The following GBP4 variants were observed in gnomAD, a reference collection of about 807,000 sequenced individuals.
The protein encoded by GBP4 is guanylate binding protein 4.
In GBP4, 69 loss-of-function variants were observed where a neutral mutation model predicts 62.2. The ratio of observed to expected loss-of-function variants is 1.11; its 90% CI spans 0.91 to 1.36. GBP4 has a LOEUF of 1.36. Among genes scored for constraint, GBP4 ranks in the 40% most tolerant of loss-of-function variants. The pLI is 0.00. For missense variants in GBP4, 697 were observed against 759.3 expected (o/e 0.92, Z 0.96); for synonymous variants, 278 against 274.6 (o/e 1.01, Z -0.12).
At chr1:89,192,865 C>G (rs774669086) in intron 5 of GBP4, 39 bp downstream of exon 5, 1 of 1,590,542 alleles carries the variant, frequency 6.3e-7, no homozygotes, top group Non-Finnish European at 8.6e-7. Flanking sequence ...GATCCTACCC[C>G]CCACTGAACC....
rs1049594807 is a variant in GBP4 at position 89,188,936 on chromosome 1, G to A, written c.1198-142C>T. 1.1e-5 allele frequency: 10 copies of A among 884,708 alleles called. No homozygotes were observed. The East Asian group carries it at 2.5e-4, about 22-fold the overall frequency. 54.8% of individuals were successfully genotyped at this position (884,708 alleles called of 1,614,324 possible). A position where few individuals can be genotyped will look rare whatever the true frequency, so the allele number is the denominator to read the frequency against. ...GACCAAGAGTCACAAGAATGATTTTGTTCCCAACTATGTGATCTGTGTGAC... is the reference window on the plus strand; with the variant it reads ...GACCAAGAGTCACAAGAATGATTTTATTCCCAACTATGTGATCTGTGTGAC... On this transcript the variant is annotated intron_variant, in intron 7 of 10. Transcript: ENST00000355754.
chr1:89,193,093 T>A lies in GBP4; in HGVS notation c.481A>T (p.Thr161Ser), dbSNP rs759107357. ...GCCCTGATTAGCTCTGCTAGCTCAG[T>A]CACATAGCTGGGATCTCAGCTAAGG... ...HQALEQLHYV[T>S]ELAELIRAKS... Residue 161 changes from threonine to serine, a missense_variant, in exon 5 of 11, where the codon ACT becomes TCT. Physicochemically the swap from Thr to Ser is moderately conservative, Grantham distance 58. This residue lies in a region of GBP4 where 556 missense variants were observed against 562.7 expected (regional missense o/e 0.99). Coordinates refer to ENST00000355754, the MANE Select transcript of GBP4 (RefSeq NM_052941.5). 6.2e-7 allele frequency: 1 copy of A among 1,613,942 alleles called. No homozygotes were observed. Among genetic ancestry groups the A allele is most frequent in the Non-Finnish European group, 8.5e-7 (1 of 1,179,886 alleles).
rs1404020957 is a variant in GBP4, at chr1:89,187,005, A to G, written c.1508T>C (p.Ile503Thr). The G allele has an allele frequency of 6.2e-7, 1 of 1,613,760 alleles. No individual in the cohort carries two copies. Among genetic ancestry groups the G allele is most frequent in the Admixed American group, 1.7e-5 (1 of 60,000 alleles). Residue 503 changes from isoleucine to threonine, a missense_variant, in exon 9 of 11, where the codon ATA becomes ACA. By Grantham distance (89) the Ile-to-Thr change is moderately conservative (BLOSUM62 -1). Around this residue, in one of 2 missense-constraint regions of GBP4, gnomAD observed 141 missense variants for 196.6 expected, o/e 0.72. Transcript: ENST00000355754. Reference sequence around the variant, plus strand: ...GCTGAGCCCTGCCCCTGTACCTGCTATGGCCTTCTCTCCAGCAGTGAGGGC... The same window carrying G: ...GCTGAGCCCTGCCCCTGTACCTGCTGTGGCCTTCTCTCCAGCAGTGAGGGC... ...DKALTAGEKA[I>T]AAERAMKEAA...
chr1:89,192,805 C>A, intron 5 of GBP4, 99 bp downstream of exon 5: 2 of 1,112,820 alleles, frequency 1.8e-6, no homozygotes, highest in Non-Finnish European at 2.6e-6. Flanking sequence ...TCAAATCAAT[C>A]CAGTCTAATG....
At chr1:89,193,537 A>G in intron 3 of GBP4, 125 bp from the exon 4 acceptor site, 1 of 757,090 alleles carries the variant, frequency 1.3e-6, no homozygotes, top group Middle Eastern at 2.5e-4. Context: ...ACAAATTTTG[A>G]AGCCAATGCT....
In GBP4 at chr1:89,190,034, G is replaced by A. The variant is rs1292850957; in HGVS notation, c.1197+4C>T. On this transcript the variant is annotated splice_donor_region_variant and intron_variant, in intron 7 of 10. Coordinates refer to ENST00000355754, the MANE Select transcript of GBP4 (RefSeq NM_052941.5). ...AAATCAGGAAGGATAAATGCTAAAA[G>A]TACCACAAGCTTCTTCTGGAATTCA... 1.2e-6 allele frequency: 2 copies of A among 1,602,992 alleles called. No individual in the cohort carries two copies. The highest frequency in any genetic ancestry group is 2.2e-5 in the South Asian group (2 of 90,180).
intron 7 of GBP4, among the ~76,000 whole-genome samples, 192 bp downstream of exon 7, chr1:89,189,846 T>A (rs892843342): frequency 6.6e-6 from 1 of 152,166 alleles, no homozygotes; most frequent in Non-Finnish European, 1.5e-5. Context: ...TGATAATTTC[T>A]TTTGCAGCAA....
intron 1 of GBP4, 90 bp from the exon 2 acceptor site, chr1:89,197,394 C>A: frequency 1.0e-6 from 1 of 970,394 alleles, no homozygotes; most frequent in Admixed American, 2.7e-5. Flanking sequence ...TAGCTTTTTG[C>A]TTGTGGAATG....
intron 6 of GBP4, 50 bp downstream of exon 6, chr1:89,191,211 A>T: frequency 1.3e-6 from 2 of 1,591,728 alleles, no homozygotes; most frequent in Non-Finnish European, 1.7e-6. Context: ...TACAGCTTCA[A>T]CACATCCTGG....
At chr1:89,188,905 G>A in intron 7 of GBP4, 111 bp from the exon 8 acceptor site, 1 of 1,052,406 alleles carries the variant, frequency 9.5e-7, no homozygotes, top group South Asian at 1.4e-5. Flanking sequence ...ACTGGGATAT[G>A]GTGTAGACCA....
rs1408360450 is a variant in GBP4, at chr1:89,198,823, T to A, written c.12A>T (p.Arg4Ser). 1 of 1,613,964 alleles carries A rather than the reference T, an allele frequency of 6.2e-7. No homozygotes were observed. Among genetic ancestry groups the A allele is most frequent in the African/African-American group, 1.3e-5 (1 of 75,018 alleles). Residue 4 changes from arginine to serine, a missense_variant, in exon 1 of 11, where the codon AGA becomes AGT. By Grantham distance (110) the Arg-to-Ser change is moderately radical. This residue lies in a region of GBP4 where 556 missense variants were observed against 562.7 expected (regional missense o/e 0.99). Transcript: ENST00000355754. The stretch of plus-strand genomic sequence containing the variant: ...GTGTGGGCACTGCAGCGTGAAGAGT[T>A]CTCTCACCCATTGCTCTGTCCTCCT... MGERTLHAAVPTPG... is the reference protein window; with the variant it reads MGESTLHAAVPTPG...
At chr1:89,194,485 T>G (rs1354398438) in intron 3 of GBP4, among the ~76,000 whole-genome samples, 1 of 152,222 alleles carries the variant, frequency 6.6e-6, no homozygotes, top group East Asian at 1.9e-4. Context: ...CCTTTAATAC[T>G]GAAATTTAAA....
At chr1:89,189,643 A>G (rs934098644) in intron 7 of GBP4, among the ~76,000 whole-genome samples, 2 of 152,238 alleles carry the variant, frequency 1.3e-5, no homozygotes, top group Non-Finnish European at 2.9e-5. Context: ...TAGAAACATA[A>G]GGATTTCATG....
intron 6 of GBP4, among the ~76,000 whole-genome samples, chr1:89,190,582 T>G (rs1313523218): frequency 6.6e-6 from 1 of 152,144 alleles, no homozygotes; most frequent in African/African-American, 2.4e-5. Context: ...AATATGTTTT[T>G]GTGTTTTATG....
chr1:89,193,284 T>C lies in GBP4; in HGVS notation c.473+19A>G. 6.2e-7 allele frequency: 1 copy of C among 1,610,646 alleles called. No individual in the cohort carries two copies. The highest frequency in any genetic ancestry group is 8.5e-7 in the Non-Finnish European group (1 of 1,177,276). ...CCCTAAACCCCATAAAACCTGCTCT[T>C]CACTTCCCAGAAGGATACTGCAGCT... On this transcript the variant is annotated intron_variant, in intron 4 of 10. Transcript: ENST00000355754.
rs1489954263 is a variant in GBP4 at position 89,195,338 on chromosome 1, G to C, written c.322C>G (p.Leu108Val). The change falls in exon 3 of 11, where the codon CTG becomes GTG. Residue 108 changes from leucine to valine, a missense_variant. Leu to Val is a conservative substitution (Grantham distance 32). Transcript: ENST00000355754. Reference sequence around the variant, plus strand: ...AGGCCCTCGGTGTCCAGAAGGACCAGGGTGTGGTTTGGCTTAGAGAGGTGG... The same window carrying C: ...AGGCCCTCGGTGTCCAGAAGGACCACGGTGTGGTTTGGCTTAGAGAGGTGG... ...VPHLSKPNHT[L>V]VLLDTEGLGD... is the part of the protein sequence containing the mutation. 12 of 1,613,934 alleles carry C rather than the reference G, an allele frequency of 7.4e-6. No homozygotes were observed. The highest frequency in any genetic ancestry group is 1.0e-5 in the Non-Finnish European group (12 of 1,179,952).
chr1:89,182,523 C>T lies in GBP4; in HGVS notation c.*2731G>A, dbSNP rs1647911567. ...TTGAGACGGAGTTTCGCTCTGTCGCCCAGGCTGGAGTGCAGTGGCGCGATC... is the reference window on the plus strand; with the variant it reads ...TTGAGACGGAGTTTCGCTCTGTCGCTCAGGCTGGAGTGCAGTGGCGCGATC... On this transcript the variant is annotated 3_prime_UTR_variant, in exon 11 of 11. Coordinates refer to ENST00000355754, the MANE Select transcript of GBP4 (RefSeq NM_052941.5). 6.6e-6 allele frequency: 1 copy of T among 150,546 alleles called. No individual in the cohort carries two copies. The highest frequency in any genetic ancestry group is 2.4e-5 in the African/African-American group (1 of 40,860). 9.3% of individuals were successfully genotyped at this position (150,546 alleles called of 1,614,324 possible). A position where few individuals can be genotyped will look rare whatever the true frequency, so the allele number is the denominator to read the frequency against.
chr1:89,186,592 C>T lies in GBP4; in HGVS notation c.1514-66G>A, dbSNP rs1648043667. On this transcript the variant is annotated intron_variant, in intron 9 of 10. Coordinates refer to ENST00000355754, the MANE Select transcript of GBP4 (RefSeq NM_052941.5). Reference sequence around the variant, plus strand: ...TATTCCTGAGTTCTACCCTCCTGAGCTCAGATCAAACTGACTCGGAGAAAA... The same window carrying T: ...TATTCCTGAGTTCTACCCTCCTGAGTTCAGATCAAACTGACTCGGAGAAAA... 4 of 1,437,970 alleles carry T rather than the reference C, an allele frequency of 2.8e-6. No individual in the cohort carries two copies. In the East Asian group the frequency reaches 7.0e-5, roughly 25 times the overall value. 89.1% of individuals were successfully genotyped at this position (1,437,970 alleles called of 1,614,324 possible).
rs866544122 is a variant in GBP4 at position 89,192,072 on chromosome 1, C to T, written c.671-566G>A. ...TGAAAAATCCAGAGTAAAGTTAATA[C>T]AGATATAACTTGGAGACCTCACCAC... On this transcript the variant is annotated intron_variant, in intron 5 of 10. Transcript: ENST00000355754. Among the ~76,000 whole-genome samples, 10 of 152,274 alleles carry T rather than the reference C, an allele frequency of 6.6e-5. No individual in the cohort carries two copies. The South Asian group carries it at 2.1e-3, about 32-fold the overall frequency.
Sources: gnomAD v4.1 joint callset for allele counts (sites outside exome capture counted in the v4.1 genomes callset) on GRCh38, gnomAD v4.1.1 for gene constraint, gnomAD v4.1.1 regional missense constraint, MANE v1.5 for transcripts, NCBI Gene and HGNC (gene_info 2026-07-23, HGNC 2026-07-21) for gene names.